The following THSD7B variants were observed in gnomAD, a reference collection of about 807,000 sequenced individuals.
The protein encoded by THSD7B is thrombospondin type 1 domain containing 7B.
In THSD7B, 138 loss-of-function variants were observed where a neutral mutation model predicts 213.6. The observed-to-expected ratio is 0.65, with a 90% CI of 0.56 to 0.74. THSD7B has a LOEUF of 0.74. Ranked by LOEUF, THSD7B falls within the 30% of genes least tolerant of loss-of-function variation. The pLI is 0.00. For missense variants in THSD7B, 1,931 were observed against 1,991.5 expected (o/e 0.97, Z 0.58); for synonymous variants, 742 against 687.0 (o/e 1.08, Z -1.25).
intron 5 of THSD7B, among the ~76,000 whole-genome samples, chr2:137,159,642 C>G (rs1679975989): frequency 6.6e-6 from 1 of 152,108 alleles, no homozygotes. Flanking sequence ...GACATTTGGG[C>G]CTCTGTGTAG....
intron 2 of THSD7B, among the ~76,000 whole-genome samples, chr2:136,977,624 T>C (rs1422691791): frequency 6.6e-6 from 1 of 152,146 alleles, no homozygotes; most frequent in Non-Finnish European, 1.5e-5. Flanking sequence ...CTCTTAACAC[T>C]GCTTTTGGCT....
At chr2:137,407,157 G>T (rs559931342) in intron 13 of THSD7B, among the ~76,000 whole-genome samples, 27 of 152,078 alleles carry the variant, frequency 1.8e-4, no homozygotes, top group Admixed American at 1.6e-3. Context: ...AAAATCCTAG[G>T]ATATTTATTC....
At chr2:137,120,012 G>A (rs933935455) in intron 5 of THSD7B, among the ~76,000 whole-genome samples, 2 of 152,162 alleles carry the variant, frequency 1.3e-5, no homozygotes, top group African/African-American at 4.8e-5. Flanking sequence ...TGTCAGGAAA[G>A]TAGTACACTA....
intron 5 of THSD7B, among the ~76,000 whole-genome samples, chr2:137,117,444 C>T (rs1012573907): frequency 2.0e-5 from 3 of 152,220 alleles, no homozygotes; most frequent in East Asian, 1.9e-4. Flanking sequence ...TTTAGCATTT[C>T]AGTTTCTGTG....
intron 17 of THSD7B, among the ~76,000 whole-genome samples, chr2:137,576,608 A>G (rs1317218170): frequency 6.6e-6 from 1 of 152,104 alleles, no homozygotes; most frequent in East Asian, 1.9e-4. Flanking sequence ...TGTTTTTAAA[A>G]TTCACCTTAT....
chr2:137,080,027 A>G (rs1415823928), intron 3 of THSD7B, among the ~76,000 whole-genome samples: 1 of 152,060 alleles, frequency 6.6e-6, no homozygotes, highest in Non-Finnish European at 1.5e-5. Context: ...TTTTTAGTAG[A>G]GAAGACGTTT....
intron 25 of THSD7B, 68 bp downstream of exon 25, chr2:137,659,814 TCTC>T: frequency 1.4e-5 from 20 of 1,464,752 alleles, no homozygotes; most frequent in Non-Finnish European, 1.7e-5. Flanking sequence ...AATCAGATGT[TCTC>T]CTGCCGGCTG....
intron 2 of THSD7B, among the ~76,000 whole-genome samples, chr2:137,035,313 A>G (rs542287170): frequency 6.6e-6 from 1 of 152,284 alleles, no homozygotes; most frequent in East Asian, 1.9e-4. Flanking sequence ...ACGTATGTAA[A>G]GTAATTCTCA....
chr2:136,856,664 G>A (rs530647150), intron 1 of THSD7B, among the ~76,000 whole-genome samples: 11 of 152,026 alleles, frequency 7.2e-5, no homozygotes, highest in Admixed American at 2.6e-4. Flanking sequence ...ACAGGATTCC[G>A]CCACCACGCC....
intron 3 of THSD7B, among the ~76,000 whole-genome samples, chr2:137,077,823 T>A (rs1299090061): frequency 1.7e-4 from 26 of 151,896 alleles, no homozygotes; most frequent in East Asian, 3.8e-4. Flanking sequence ...GAAGCTCTTC[T>A]GTTTAATTAG....
rs923827152 is a variant in THSD7B, at chr2:137,404,802, C to G, written c.2501-811C>G. ...CTCTCACTGATATGTGGGAACTAAGCTATGAGGATGCAAAGGCATAAGAAT... is the reference window on the plus strand; with the variant it reads ...CTCTCACTGATATGTGGGAACTAAGGTATGAGGATGCAAAGGCATAAGAAT... On this transcript the variant is annotated intron_variant, in intron 12 of 27. Transcript: ENST00000409968. Among the ~76,000 whole-genome samples the G allele has an allele frequency of 2.6e-5, 4 of 151,570 alleles. No homozygotes were observed. The East Asian group carries it at 7.8e-4, about 29-fold the overall frequency.
At chr2:136,783,044 C>G (rs987458332) in intron 1 of THSD7B, among the ~76,000 whole-genome samples, 1 of 151,684 alleles carries the variant, frequency 6.6e-6, no homozygotes, top group Non-Finnish European at 1.5e-5. Flanking sequence ...TGCAAACTTA[C>G]GCTGAGTAGC....
At chr2:137,178,485 C>T (rs1162924143) in intron 7 of THSD7B, among the ~76,000 whole-genome samples, 3 of 152,204 alleles carry the variant, frequency 2.0e-5, no homozygotes, top group Non-Finnish European at 4.4e-5. Context: ...CTGTGCTGTT[C>T]ACGCTACAGG....
intron 3 of THSD7B, among the ~76,000 whole-genome samples, chr2:137,063,307 A>G (rs1326737715): frequency 6.6e-6 from 1 of 151,820 alleles, no homozygotes; most frequent in Non-Finnish European, 1.5e-5. Context: ...TTGTATTAAT[A>G]TTTACTGTGG....
intron 16 of THSD7B, among the ~76,000 whole-genome samples, chr2:137,572,197 C>T (rs1267541788): frequency 6.6e-6 from 1 of 152,174 alleles, no homozygotes; most frequent in Non-Finnish European, 1.5e-5. Context: ...CCATTGTTCT[C>T]CCTTGCCCTG....
At chr2:137,625,748 T>C (rs1015770939) in intron 20 of THSD7B, among the ~76,000 whole-genome samples, 4 of 152,164 alleles carry the variant, frequency 2.6e-5, no homozygotes, top group Admixed American at 6.5e-5. Flanking sequence ...TGCCAATGGC[T>C]CTACAGTCTG....
intron 2 of THSD7B, among the ~76,000 whole-genome samples, chr2:137,011,998 G>A (rs1240780860): frequency 2.0e-5 from 3 of 152,098 alleles, no homozygotes; most frequent in Non-Finnish European, 4.4e-5. Context: ...GTGGAATAAG[G>A]ACACTCATTA....
chr2:137,052,778 A>T (rs758202072), intron 2 of THSD7B, among the ~76,000 whole-genome samples: 2 of 152,194 alleles, frequency 1.3e-5, no homozygotes, highest in African/African-American at 4.8e-5. Flanking sequence ...TATGTATTGA[A>T]AGTTCATAGC....
intron 15 of THSD7B, among the ~76,000 whole-genome samples, chr2:137,534,683 G>A (rs1680469046): frequency 6.6e-6 from 1 of 151,484 alleles, no homozygotes; most frequent in Admixed American, 6.6e-5. Context: ...CAAATTCTAA[G>A]ATATGTCAAA....
Sources: allele counts gnomAD v4.1 joint callset (sites outside exome capture counted in the v4.1 genomes callset), GRCh38; gene constraint gnomAD v4.1.1; transcripts MANE v1.5; gene names NCBI Gene and HGNC (gene_info 2026-07-23, HGNC 2026-07-21).